STPG2: variants seen among roughly 807,000 people sequenced by gnomAD.
STPG2 encodes the protein sperm-tail PG-rich repeat-containing protein 2.
In STPG2, 56 loss-of-function variants were observed where a neutral mutation model predicts 54.2. That is an observed-to-expected ratio of 1.03 (90% CI 0.83 to 1.29). The LOEUF (loss-of-function observed/expected upper bound fraction) is 1.29. Ranked by LOEUF, STPG2 falls within the 50% of genes most tolerant of loss-of-function variation. The probability of loss-of-function intolerance (pLI) is 0.00; values close to 1 mark genes in which losing one functional copy is unlikely to be tolerated. For synonymous variants in STPG2, 200 were observed against 181.8 expected (o/e 1.10, Z -0.81); for missense variants, 596 against 544.9 (o/e 1.09, Z -0.93).
chr4:97,749,262 G>C (rs1447403539), intron 9 of STPG2, among the ~76,000 whole-genome samples: 2 of 151,630 alleles, frequency 1.3e-5, no homozygotes, highest in African/African-American at 2.4e-5. Context: ...AGCAAAAGAG[G>C]CAAGCGCCTT....
intron 5 of STPG2, among the ~76,000 whole-genome samples, chr4:98,069,450 C>T (rs944119162): frequency 2.6e-5 from 4 of 151,820 alleles, no homozygotes; most frequent in African/African-American, 9.7e-5. Context: ...ATTAGTGTGC[C>T]CTTAATCAGC....
At position 97,698,763 on chromosome 4, in the gene STPG2, C is replaced by T. The variant is rs546513782; in HGVS notation, c.1320+13936G>A. The stretch of plus-strand genomic sequence containing the variant: ...GCCCGGCAAAGTATTGTCACCTAGT[C>T]GGCGTTGTAATTGTGACTTCAAAAG... On this transcript the variant is annotated intron_variant, in intron 10 of 10. Coordinates refer to ENST00000295268, the MANE Select transcript of STPG2 (RefSeq NM_174952.3). Among the ~76,000 whole-genome samples the T allele has an allele frequency of 7.2e-4, 110 of 152,202 alleles. 1 individual carries two copies. The highest frequency in any genetic ancestry group is 8.3e-4 in the South Asian group (4 of 4,816).
At chr4:97,836,588 A>T (rs1728641197) in intron 9 of STPG2, among the ~76,000 whole-genome samples, 1 of 151,754 alleles carries the variant, frequency 6.6e-6, no homozygotes, top group Non-Finnish European at 1.5e-5. Context: ...GCCTTTATTA[A>T]TTTCTCAGTG....
chr4:97,840,736 T>C, intron 9 of STPG2, 37 bp downstream of exon 9: 1 of 1,566,786 alleles, frequency 6.4e-7, no homozygotes, highest in Non-Finnish European at 8.6e-7. Flanking sequence ...CCTTAGAATT[T>C]TTTTCCTCAT....
At chr4:98,020,918 T>C (rs1736162357) in intron 5 of STPG2, among the ~76,000 whole-genome samples, 1 of 152,110 alleles carries the variant, frequency 6.6e-6, no homozygotes, top group Admixed American at 6.5e-5. Flanking sequence ...TTTTCTTCTT[T>C]ATTAGTCTTG....
chr4:98,024,856 A>G (rs1316253950), intron 5 of STPG2, among the ~76,000 whole-genome samples: 1 of 152,226 alleles, frequency 6.6e-6, no homozygotes, highest in Non-Finnish European at 1.5e-5. Context: ...ACTGTTTTTA[A>G]AAATAAAGTT....
At chr4:97,735,034 C>T (rs544884773) in intron 9 of STPG2, among the ~76,000 whole-genome samples, 2 of 148,728 alleles carry the variant, frequency 1.3e-5, no homozygotes, top group Admixed American at 6.8e-5. Context: ...GATGGCGTCA[C>T]TGCACTACAG....
At chr4:97,660,816 T>G (rs1383170512) in intron 10 of STPG2, among the ~76,000 whole-genome samples, 1 of 152,158 alleles carries the variant, frequency 6.6e-6, no homozygotes, top group Non-Finnish European at 1.5e-5. Context: ...TAAATTGCCT[T>G]GAGTCACAAA....
intron 5 of STPG2, among the ~76,000 whole-genome samples, chr4:98,043,624 G>A (rs1240769211): frequency 6.6e-6 from 1 of 151,316 alleles, no homozygotes; most frequent in Non-Finnish European, 1.5e-5. Flanking sequence ...TGCTATTGAT[G>A]TAAAATTTAC....
In STPG2 at chr4:97,952,655, C is replaced by G. The variant is rs1733515487; in HGVS notation, c.934-8648G>C. On this transcript the variant is annotated intron_variant, in intron 7 of 10. Coordinates refer to ENST00000295268, the MANE Select transcript of STPG2 (RefSeq NM_174952.3). ...CAAGTCTCCCAGCATCAGGTACCAG[C>G]ACCATCTCTGATGGGGATGGCAGGG... is the stretch of plus-strand genomic sequence containing the variant. 2.6e-5 allele frequency among the ~76,000 whole-genome samples: 4 copies of G among 152,138 alleles called. No individual in the cohort carries two copies. The South Asian group carries it at 8.3e-4, about 31-fold the overall frequency.
chr4:97,746,048 G>A (rs892299319), intron 9 of STPG2, among the ~76,000 whole-genome samples: 5 of 151,138 alleles, frequency 3.3e-5, no homozygotes, highest in Admixed American at 6.6e-5. Flanking sequence ...TCTGTGTAAC[G>A]TTATAACCTT....
At chr4:97,722,472 C>G (rs1224643623) in intron 9 of STPG2, among the ~76,000 whole-genome samples, 3 of 152,050 alleles carry the variant, frequency 2.0e-5, no homozygotes, top group Non-Finnish European at 2.9e-5. Context: ...GTGTTTGTCA[C>G]ATAATTGCCA....
At position 97,771,349 on chromosome 4, in the gene STPG2, G is replaced by A. The variant is rs150915870; in HGVS notation, c.1205-58535C>T. On this transcript the variant is annotated intron_variant, in intron 9 of 10. Transcript: ENST00000295268. The stretch of plus-strand genomic sequence containing the variant: ...TGTGCCATGCTCTAGGACTAAGATA[G>A]AGTACCTAACGAAGGACAAACTTGG... Among the ~76,000 whole-genome samples the A allele has an allele frequency of 1.3e-3, 202 of 152,278 alleles. 1 individual carries two copies. The highest frequency in any genetic ancestry group is 4.7e-3 in the African/African-American group (195 of 41,564).
At chr4:97,968,779 T>C (rs1438207080) in intron 7 of STPG2, among the ~76,000 whole-genome samples, 1 of 152,138 alleles carries the variant, frequency 6.6e-6, no homozygotes, top group Admixed American at 6.5e-5. Context: ...TGCTATGGAA[T>C]AAAAGATGAA....
intron 9 of STPG2, among the ~76,000 whole-genome samples, chr4:97,747,101 G>C (rs1332276599): frequency 6.6e-6 from 1 of 151,068 alleles, no homozygotes; most frequent in Non-Finnish European, 1.5e-5. Flanking sequence ...ACCAACCTTA[G>C]CTGTAAGAAA....
intron 4 of STPG2, among the ~76,000 whole-genome samples, chr4:97,501,871 AAG>A (rs1560634976): frequency 6.6e-6 from 1 of 152,076 alleles, no homozygotes; most frequent in Non-Finnish European, 1.5e-5. Flanking sequence ...GATGAGATGA[AAG>A]AGAACAAAAA....
chr4:97,964,148 A>G lies in STPG2; in HGVS notation c.933+8132T>C, dbSNP rs187772454. ...ATGCAAAACTCCTGAGTCAGAGACA[A>G]AGGACTTTATTCCTCATGGCATAAC... is the stretch of plus-strand genomic sequence containing the variant. On this transcript the variant is annotated intron_variant, in intron 7 of 10. Transcript: ENST00000295268. Among the ~76,000 whole-genome samples the G allele has an allele frequency of 4.2e-3, 642 of 152,324 alleles. 3 individuals are homozygous for G. Among genetic ancestry groups the G allele is most frequent in the South Asian group, 0.024 (117 of 4,828 alleles).
chr4:97,673,936 T>C (rs1722767319), intron 10 of STPG2, among the ~76,000 whole-genome samples: 1 of 152,218 alleles, frequency 6.6e-6, no homozygotes. Context: ...ATTTAAAATG[T>C]CAAGCAGTTT....
Position 97,742,567 on chromosome 4 carries a change from C to G in STPG2, c.1205-29753G>C, listed in dbSNP as rs28813092. 9.8e-3 allele frequency among the ~76,000 whole-genome samples: 1,377 copies of G among 139,820 alleles called. 43 individuals carry two copies. Among genetic ancestry groups the G allele is most frequent in the African/African-American group, 0.02 (782 of 38,612 alleles). The allele number at this position is 139,820 out of a possible 152,430, so 91.7% of individuals were successfully genotyped here. ...TGTGTGTGTGTGTGTGTGTGTGTGT[C>G]TATATATATATGGAATACTATCAGG... On this transcript the variant is annotated intron_variant, in intron 9 of 10. Coordinates refer to ENST00000295268, the MANE Select transcript of STPG2 (RefSeq NM_174952.3).
Sources: gnomAD v4.1 joint callset for allele counts (sites outside exome capture counted in the v4.1 genomes callset) on GRCh38, gnomAD v4.1.1 for gene constraint, MANE v1.5 for transcripts, NCBI Gene and HGNC (gene_info 2026-07-23, HGNC 2026-07-21) for gene names.